CACNB2: variants seen among roughly 807,000 people sequenced by gnomAD.
CACNB2 encodes calcium voltage-gated channel auxiliary subunit beta 2.
A neutral mutation model predicts 73.3 loss-of-function variants in CACNB2; 42 were observed. The ratio of observed to expected loss-of-function variants is 0.57; its 90% CI spans 0.45 to 0.74. CACNB2 has a LOEUF of 0.74. CACNB2 is among the 30% of genes least tolerant of loss of function. CACNB2 has a pLI of 0.00. For missense variants in CACNB2, 940 were observed against 853.0 expected (o/e 1.10, Z -1.27); for synonymous variants, 348 against 310.3 (o/e 1.12, Z -1.28).
intron 2 of CACNB2, among the ~76,000 whole-genome samples, chr10:18,258,293 T>A (rs1048644744): frequency 5.3e-5 from 8 of 152,180 alleles, no homozygotes; most frequent in African/African-American, 1.9e-4. Flanking sequence ...TTAAGTGAAT[T>A]CCAAATCAAA....
chr10:18,453,131 A>G (rs1564566448), intron 3 of CACNB2, among the ~76,000 whole-genome samples: 1 of 152,082 alleles, frequency 6.6e-6, no homozygotes, highest in East Asian at 1.9e-4. Context: ...CCCTGGAACT[A>G]TTAATATTAG....
chr10:18,305,674 ACC>A (rs1185714144), intron 2 of CACNB2, among the ~76,000 whole-genome samples: 36 of 152,100 alleles, frequency 2.4e-4, no homozygotes, highest in African/African-American at 8.7e-4. Flanking sequence ...TTTAAGTAAC[ACC>A]TCCTAATTTG....
At chr10:18,201,546 A>T (rs1488098614) in intron 2 of CACNB2, among the ~76,000 whole-genome samples, 3 of 152,192 alleles carry the variant, frequency 2.0e-5, no homozygotes, top group African/African-American at 7.2e-5. Context: ...AAGTGGTGGG[A>T]TTGCAGGCAT....
intron 2 of CACNB2, among the ~76,000 whole-genome samples, chr10:18,193,985 C>A (rs138421659): frequency 2.3e-4 from 35 of 152,170 alleles, no homozygotes; most frequent in African/African-American, 7.9e-4. Context: ...AAAAAGTAGA[C>A]CAGGATAGAA....
At chr10:18,284,606 T>G (rs1452569884) in intron 2 of CACNB2, among the ~76,000 whole-genome samples, 1 of 152,206 alleles carries the variant, frequency 6.6e-6, no homozygotes, top group Non-Finnish European at 1.5e-5. Flanking sequence ...CAGAAACTAG[T>G]CACAGAAGGG....
At chr10:18,307,367 C>A (rs1320098028) in intron 2 of CACNB2, among the ~76,000 whole-genome samples, 1 of 152,102 alleles carries the variant, frequency 6.6e-6, no homozygotes, top group Non-Finnish European at 1.5e-5. Context: ...GAGGCTGAGG[C>A]AGGAGAATCA....
chr10:18,394,990 A>G (rs1417258518), intron 2 of CACNB2, among the ~76,000 whole-genome samples: 4 of 152,174 alleles, frequency 2.6e-5, no homozygotes, highest in African/African-American at 9.7e-5. Flanking sequence ...GTAACTCCGA[A>G]TTAAGGAACT....
intron 3 of CACNB2, among the ~76,000 whole-genome samples, chr10:18,413,153 G>A (rs2044733105): frequency 6.6e-6 from 1 of 152,100 alleles, no homozygotes; most frequent in Non-Finnish European, 1.5e-5. Flanking sequence ...TGTATTTTTA[G>A]TAGAGATGGG....
intron 3 of CACNB2, among the ~76,000 whole-genome samples, chr10:18,454,757 C>G (rs984776388): frequency 7.9e-5 from 12 of 152,132 alleles, no homozygotes; most frequent in African/African-American, 2.9e-4. Context: ...AGTGTGATAT[C>G]GATGGATACT....
At chr10:18,467,028 C>T (rs548105793) in intron 3 of CACNB2, among the ~76,000 whole-genome samples, 1 of 152,152 alleles carries the variant, frequency 6.6e-6, no homozygotes, top group Non-Finnish European at 1.5e-5. Flanking sequence ...GTGGCAGGTG[C>T]CTGTAATCCC....
chr10:18,155,279 C>T (rs1358664503), intron 2 of CACNB2, among the ~76,000 whole-genome samples: 1 of 152,158 alleles, frequency 6.6e-6, no homozygotes, highest in African/African-American at 2.4e-5. Flanking sequence ...CCTGTTTTTG[C>T]AGTTTTATGT....
At chr10:18,268,626 G>C (rs1360279015) in intron 2 of CACNB2, among the ~76,000 whole-genome samples, 1 of 152,190 alleles carries the variant, frequency 6.6e-6, no homozygotes, top group African/African-American at 2.4e-5. Flanking sequence ...TATACGAACA[G>C]CACATGAAAA....
At chr10:18,253,202 T>G (rs1049375118) in intron 2 of CACNB2, among the ~76,000 whole-genome samples, 1 of 152,188 alleles carries the variant, frequency 6.6e-6, no homozygotes, top group Non-Finnish European at 1.5e-5. Flanking sequence ...CAGGAGTCAG[T>G]GAAACTCTTT....
At position 18,305,191 on chromosome 10, in the gene CACNB2, G is replaced by A. The variant is rs191895088; in HGVS notation, c.214-96733G>A. On this transcript the variant is annotated intron_variant, in intron 2 of 13. Transcript: ENST00000324631. ...CTTTGGGTTACAGGAAATAAATGTC[G>A]TCTACTTCATGGACAGTAAATGCTA... Among the ~76,000 whole-genome samples, 395 of 152,180 alleles carry A rather than the reference G, an allele frequency of 2.6e-3. 3 individuals carry two copies. Among genetic ancestry groups the A allele is most frequent in the African/African-American group, 8.9e-3 (370 of 41,516 alleles).
chr10:18,311,424 C>T (rs1160500789), intron 2 of CACNB2, among the ~76,000 whole-genome samples: 1 of 152,042 alleles, frequency 6.6e-6, no homozygotes, highest in East Asian at 1.9e-4. Context: ...GGCGTTGACC[C>T]ATTGCACAGT....
intron 3 of CACNB2, among the ~76,000 whole-genome samples, chr10:18,492,259 C>T (rs545425812): frequency 1.3e-5 from 2 of 152,282 alleles, no homozygotes; most frequent in South Asian, 2.1e-4. Context: ...GCTTACAATT[C>T]GACATGAGTC....
At chr10:18,461,728 G>A (rs12761917) in intron 3 of CACNB2, among the ~76,000 whole-genome samples, 1 of 147,186 alleles carries the variant, frequency 6.8e-6, no homozygotes. Flanking sequence ...GCCCCCAGCT[G>A]TGCAGGAGAC....
chr10:18,446,779 A>G (rs1399791532), intron 3 of CACNB2, among the ~76,000 whole-genome samples: 1 of 152,172 alleles, frequency 6.6e-6, no homozygotes, highest in Non-Finnish European at 1.5e-5. Context: ...CTTTTTTAAA[A>G]ATAAGCTAGG....
chr10:18,216,600 T>A (rs7897710), intron 2 of CACNB2, among the ~76,000 whole-genome samples: 18,532 of 152,276 alleles, frequency 0.12, 1,229 homozygotes, highest in African/African-American at 0.17. Flanking sequence ...ACACTTGTTT[T>A]TCTTTCTTTG....
Sources: allele counts gnomAD v4.1 joint callset (sites outside exome capture counted in the v4.1 genomes callset), GRCh38; gene constraint gnomAD v4.1.1; transcripts MANE v1.5; gene names NCBI Gene and HGNC (gene_info 2026-07-23, HGNC 2026-07-21).